Variants in ATAD3B observed in about 807,000 individuals in gnomAD.
The protein encoded by ATAD3B is ATPase family AAA domain-containing protein 3B.
ATAD3B carries 59 observed loss-of-function variants against 70.2 expected under a neutral mutation model. The observed-to-expected ratio is 0.84, with a 90% confidence interval of 0.68 to 1.04. The LOEUF (loss-of-function observed/expected upper bound fraction) is 1.04, where lower values mean the gene tolerates loss of function less well. Among genes scored for constraint, ATAD3B ranks in the 50% least tolerant of loss-of-function variants. The pLI, the probability that ATAD3B is intolerant of heterozygous loss-of-function variation, is 0.00. For synonymous variants in ATAD3B, 423 were observed against 388.6 expected (o/e 1.09, Z -1.04); for missense variants, 961 against 913.4 (o/e 1.05, Z -0.67).
rs375507742 is a variant in ATAD3B at position 1,485,881 on chromosome 1, C to T, written c.963+43C>T. 124 of 1,612,218 alleles carry T rather than the reference C, an allele frequency of 7.7e-5. 2 individuals carry two copies. The East Asian group carries it at 7.8e-4, about 10-fold the overall frequency. ...GGACCGGGGAGGTGCAGGGAGGGGACCCCGGAGCTGGGCTGGGCTGTGGCC... is the reference window on the plus strand; with the variant it reads ...GGACCGGGGAGGTGCAGGGAGGGGATCCCGGAGCTGGGCTGGGCTGTGGCC... On this transcript the variant is annotated intron_variant, in intron 9 of 15. Coordinates refer to ENST00000673477, the MANE Select transcript of ATAD3B (RefSeq NM_031921.6).
At chr1:1,480,175 G>C (rs572465492) in intron 4 of ATAD3B, among the ~76,000 whole-genome samples, 1 of 132,130 alleles carries the variant, frequency 7.6e-6, no homozygotes, top group African/African-American at 3.0e-5. Context: ...ACCTGCACAC[G>C]AGGGCACACC....
chr1:1,507,325 A>C, the ATAD3B span, among the ~76,000 whole-genome samples: 531 of 152,224 alleles, frequency 3.5e-3, 25 homozygotes, highest in East Asian at 0.09. Flanking sequence ...TATGGCCTTC[A>C]TTATGTTTAG....
chr1:1,473,134 CTTTTTTTT>C (rs569834397), intron 1 of ATAD3B, among the ~76,000 whole-genome samples: 4 of 84,374 alleles, frequency 4.7e-5, no homozygotes, highest in South Asian at 5.0e-4. Flanking sequence ...GAAGGGATTC[CTTTTTTTT>C]TTTTTTTTTT....
Position 1,495,487 on chromosome 1 carries a change from C to G in ATAD3B, c.1617C>G (p.Ala539=), listed in dbSNP as rs904104790. The G allele has an allele frequency of 3.1e-6, 5 of 1,601,658 alleles. No homozygotes were observed. Among genetic ancestry groups the G allele is most frequent in the Non-Finnish European group, 4.3e-6 (5 of 1,171,630 alleles). The part of the protein sequence containing the change: ...EIAQLAVSWQ[A]TAYASKDGVL... Reference sequence around the variant, plus strand: ...TCAGCTCCCTCTCTCTTCACTAGGCCACGGCATATGCCTCCAAGGACGGGG... The same window carrying G: ...TCAGCTCCCTCTCTCTTCACTAGGCGACGGCATATGCCTCCAAGGACGGGG... The change falls in exon 16 of 16, where the codon GCC becomes GCG. Residue 539 remains alanine, a splice_region_variant and synonymous_variant. Transcript: ENST00000673477.
chr1:1,494,676 C>G (rs1256081362), intron 15 of ATAD3B, among the ~76,000 whole-genome samples: 1 of 151,978 alleles, frequency 6.6e-6, no homozygotes, highest in Non-Finnish European at 1.5e-5. Context: ...TGGTGTGCTG[C>G]TGCCCCTGCA....
the ATAD3B span, chr1:1,509,298 C>T: frequency 1.2e-4 from 194 of 1,612,452 alleles, no homozygotes; most frequent in East Asian, 1.6e-3. Flanking sequence ...GCAGATGATG[C>T]GCTGGCTGAA....
chr1:1,506,699 C>G, the ATAD3B span, among the ~76,000 whole-genome samples: 1 of 151,720 alleles, frequency 6.6e-6, no homozygotes, highest in African/African-American at 2.4e-5. Flanking sequence ...AGAATTGCAG[C>G]TGTTTCTGCT....
chr1:1,504,303 A>G, the ATAD3B span, among the ~76,000 whole-genome samples: 1 of 151,932 alleles, frequency 6.6e-6, no homozygotes, highest in Non-Finnish European at 1.5e-5. Context: ...TTCAGTCCTG[A>G]GTTCACAGGC....
At position 1,495,470 on chromosome 1, in the gene ATAD3B, C is replaced by A; in HGVS notation, c.1615-15C>A. 1.3e-5 allele frequency: 21 copies of A among 1,585,994 alleles called. No individual in the cohort carries two copies. The highest frequency in any genetic ancestry group is 1.8e-5 in the Non-Finnish European group (21 of 1,161,608). Reference sequence around the variant, plus strand: ...TCCCATAGCGGCCTCCCTCAGCTCCCTCTCTCTTCACTAGGCCACGGCATA... The same window carrying A: ...TCCCATAGCGGCCTCCCTCAGCTCCATCTCTCTTCACTAGGCCACGGCATA... On this transcript the variant is annotated splice_polypyrimidine_tract_variant and intron_variant, in intron 15 of 15. Coordinates refer to ENST00000673477, the MANE Select transcript of ATAD3B (RefSeq NM_031921.6).
chr1:1,475,835 C>G (rs1017063681), intron 1 of ATAD3B, among the ~76,000 whole-genome samples: 30 of 151,630 alleles, frequency 2.0e-4, no homozygotes, highest in African/African-American at 6.8e-4. Flanking sequence ...CCCCTCTCCT[C>G]CTCCCCAGAG....
chr1:1,476,875 C>T (rs577950172), intron 1 of ATAD3B, among the ~76,000 whole-genome samples: 5 of 151,808 alleles, frequency 3.3e-5, no homozygotes, highest in Admixed American at 1.3e-4. Context: ...GGTGCGATCT[C>T]GGCTCGCTGC....
chr1:1,501,158 G>A (rs529910694), downstream of ATAD3B, among the ~76,000 whole-genome samples: 2 of 152,110 alleles, frequency 1.3e-5, no homozygotes, highest in East Asian at 3.9e-4. Flanking sequence ...GCGTGATCTC[G>A]GCTCAGTGCA....
At chr1:1,503,426 C>A in the ATAD3B span, 1 of 692,514 alleles carries the variant, frequency 1.4e-6, no homozygotes, top group African/African-American at 1.8e-5. Context: ...GGCATCGTCA[C>A]GCCAGGTCTG....
At chr1:1,508,086 C>T in the ATAD3B span, among the ~76,000 whole-genome samples, 1 of 152,198 alleles carries the variant, frequency 6.6e-6, no homozygotes, top group Non-Finnish European at 1.5e-5. Flanking sequence ...GGGTGAGGTG[C>T]AGCCACTCGG....
intron 7 of ATAD3B, chr1:1,483,001 A>C: frequency 2.2e-6 from 1 of 462,020 alleles, no homozygotes. Context: ...ACCTTGTCTC[A>C]AGAAAAAAAT....
intron 1 of ATAD3B, among the ~76,000 whole-genome samples, chr1:1,473,879 G>C (rs1236019028): frequency 6.6e-6 from 1 of 152,054 alleles, no homozygotes; most frequent in East Asian, 1.9e-4. Flanking sequence ...GTTTAAGGAG[G>C]GATGGCCTGG....
In ATAD3B at chr1:1,483,020, G is replaced by A. The variant is rs749804147; in HGVS notation, c.750+406G>A. 1.2e-4 allele frequency: 57 copies of A among 457,746 alleles called. 1 individual carries two copies. The highest frequency in any genetic ancestry group is 7.5e-4 in the South Asian group (48 of 64,422). 28.4% of individuals were successfully genotyped at this position (457,746 alleles called of 1,614,324 possible). On this transcript the variant is annotated intron_variant, in intron 7 of 15. Transcript: ENST00000673477. Reference sequence around the variant, plus strand: ...TGTCTCAAGAAAAAAATGGCCAGGCGGTAGTGGCTCAGGCCTGTAATCCCA... The same window carrying A: ...TGTCTCAAGAAAAAAATGGCCAGGCAGTAGTGGCTCAGGCCTGTAATCCCA...
At chr1:1,507,849 A>T in the ATAD3B span, among the ~76,000 whole-genome samples, 1 of 152,230 alleles carries the variant, frequency 6.6e-6, no homozygotes, top group Non-Finnish European at 1.5e-5. Flanking sequence ...GTTCCCAGAA[A>T]AATTGCAAGG....
chr1:1,488,243 A>G (rs1570257895), intron 12 of ATAD3B, among the ~76,000 whole-genome samples: 1 of 151,982 alleles, frequency 6.6e-6, no homozygotes, highest in Non-Finnish European at 1.5e-5. Flanking sequence ...TGCGTGATCC[A>G]CCACGCCCAG....
Sources: gnomAD v4.1 joint callset for allele counts (sites outside exome capture counted in the v4.1 genomes callset) on GRCh38, gnomAD v4.1.1 for gene constraint, MANE v1.5 for transcripts, NCBI Gene and HGNC (gene_info 2026-07-23, HGNC 2026-07-21) for gene names.